Variants in EFCAB11 observed in about 807,000 individuals in gnomAD.
EFCAB11 encodes the protein EF-hand calcium-binding domain-containing protein 11.
In EFCAB11, 14 loss-of-function variants were observed where a neutral mutation model predicts 23.0. The observed-to-expected ratio is 0.61, with a 90% CI of 0.40 to 0.95. The LOEUF (loss-of-function observed/expected upper bound fraction) is 0.95. Among genes scored for constraint, EFCAB11 ranks in the 40% least tolerant of loss-of-function variants. The pLI, the probability that EFCAB11 is intolerant of heterozygous loss-of-function variation, is 0.00. For missense variants in EFCAB11, 198 were observed against 195.8 expected (o/e 1.01, Z -0.07); for synonymous variants, 65 against 66.6 (o/e 0.98, Z 0.11).
chr14:89,911,093 C>A (rs1240362860), intron 5 of EFCAB11, among the ~76,000 whole-genome samples: 2 of 152,146 alleles, frequency 1.3e-5, no homozygotes, highest in African/African-American at 2.4e-5. Context: ...TTAAAGCAAA[C>A]AACTTTTAGC....
chr14:89,947,055 T>C lies in EFCAB11; in HGVS notation c.217+3042A>G, dbSNP rs542185292. On this transcript the variant is annotated intron_variant, in intron 3 of 5. Transcript: ENST00000316738. ...CAGTATCAACATATATTTATGAATA[T>C]GATAAGCATATTTTGGTTATATTCA... Among the ~76,000 whole-genome samples, 240 of 152,320 alleles carry C rather than the reference T, an allele frequency of 1.6e-3. 1 individual carries two copies. Among genetic ancestry groups the C allele is most frequent in the African/African-American group, 5.5e-3 (229 of 41,570 alleles).
intron 5 of EFCAB11, among the ~76,000 whole-genome samples, chr14:89,831,492 T>C (rs1886882150): frequency 6.6e-6 from 1 of 151,396 alleles, no homozygotes; most frequent in Non-Finnish European, 1.5e-5. Context: ...TAATATGAAA[T>C]GTTGTCTATA....
intron 5 of EFCAB11, among the ~76,000 whole-genome samples, chr14:89,877,938 G>T (rs1888489823): frequency 6.6e-6 from 1 of 152,176 alleles, no homozygotes; most frequent in Non-Finnish European, 1.5e-5. Flanking sequence ...TTTATCATAA[G>T]TAATGACATG....
chr14:89,808,322 A>G (rs1886039855), intron 5 of EFCAB11, among the ~76,000 whole-genome samples: 1 of 152,192 alleles, frequency 6.6e-6, no homozygotes, highest in African/African-American at 2.4e-5. Context: ...GGATATTCTC[A>G]TACAGTGTTA....
In EFCAB11 at chr14:89,906,472, A is replaced by G. The variant is rs554188638; in HGVS notation, c.410+25069T>C. On this transcript the variant is annotated intron_variant, in intron 5 of 5. Coordinates refer to ENST00000316738, the MANE Select transcript of EFCAB11 (RefSeq NM_145231.4). The stretch of plus-strand genomic sequence containing the variant: ...ATTCTATGACAAATTCATTACTGCA[A>G]CTCATTGAAACTAGTATGTCAGCTG... 4.1e-4 allele frequency among the ~76,000 whole-genome samples: 63 copies of G among 152,312 alleles called. 1 individual carries two copies. Among genetic ancestry groups the G allele is most frequent in the Middle Eastern group, 3.4e-3 (1 of 294 alleles).
intron 5 of EFCAB11, chr14:89,924,417 A>G (rs1890123258): frequency 1.5e-6 from 2 of 1,326,620 alleles, no homozygotes; most frequent in Non-Finnish European, 1.9e-6. Context: ...CCTTATGCAC[A>G]TTCACATTTC....
chr14:89,913,178 C>T (rs1381172251), intron 5 of EFCAB11, among the ~76,000 whole-genome samples: 2 of 152,172 alleles, frequency 1.3e-5, no homozygotes, highest in African/African-American at 4.8e-5. Flanking sequence ...CCTGGTGTGC[C>T]CTGCCTCCCC....
intron 5 of EFCAB11, among the ~76,000 whole-genome samples, chr14:89,907,760 G>A (rs1889543056): frequency 2.6e-5 from 4 of 152,138 alleles, no homozygotes; most frequent in Admixed American, 2.0e-4. Flanking sequence ...TCCTTTACAC[G>A]GTGGCTGTAT....
intron 3 of EFCAB11, among the ~76,000 whole-genome samples, chr14:89,941,584 CT>C (rs201529202): frequency 0.057 from 8,193 of 142,546 alleles, 390 homozygotes; most frequent in African/African-American, 0.13. Flanking sequence ...CTTTTTAGTA[CT>C]TTTTTTTTTT....
intron 5 of EFCAB11, among the ~76,000 whole-genome samples, chr14:89,905,490 A>T (rs1201780883): frequency 6.6e-6 from 1 of 152,132 alleles, no homozygotes; most frequent in Non-Finnish European, 1.5e-5. Flanking sequence ...AAAAGAAGGG[A>T]TACTCACTGA....
At chr14:89,808,653 C>G (rs554969831) in intron 5 of EFCAB11, among the ~76,000 whole-genome samples, 1 of 152,282 alleles carries the variant, frequency 6.6e-6, no homozygotes, top group East Asian at 1.9e-4. Flanking sequence ...TTTAAAACCT[C>G]TGGGTCTGTG....
chr14:89,900,312 T>C lies in EFCAB11; in HGVS notation c.410+31229A>G, dbSNP rs911756638. On this transcript the variant is annotated intron_variant, in intron 5 of 5. Transcript: ENST00000316738. ...AAATATAAAGACATACACGAATGAT[T>C]AAAAAAAAATCAGGACAGTGATGAT... Among the ~76,000 whole-genome samples, 3 of 151,492 alleles carry C rather than the reference T, an allele frequency of 2.0e-5. No homozygotes were observed. The East Asian group carries it at 5.8e-4, about 29-fold the overall frequency.
intron 5 of EFCAB11, chr14:89,829,728 A>G (rs1479289752): frequency 6.6e-6 from 1 of 152,230 alleles, no homozygotes; most frequent in Non-Finnish European, 1.5e-5. Context: ...ACATGTTCCA[A>G]AATGTAACAA....
chr14:89,915,705 A>T (rs1335214817), intron 5 of EFCAB11, among the ~76,000 whole-genome samples: 3 of 152,214 alleles, frequency 2.0e-5, no homozygotes, highest in African/African-American at 4.8e-5. Flanking sequence ...TACCCACCAA[A>T]GTTAATTTGA....
chr14:89,825,564 T>C (rs963469914), intron 5 of EFCAB11, among the ~76,000 whole-genome samples: 3 of 151,952 alleles, frequency 2.0e-5, no homozygotes, highest in Non-Finnish European at 2.9e-5. Context: ...ATTAATAAAG[T>C]TGATAGCCCT....
intron 5 of EFCAB11, among the ~76,000 whole-genome samples, chr14:89,825,677 A>G (rs1271652819): frequency 6.6e-6 from 1 of 152,148 alleles, no homozygotes; most frequent in African/African-American, 2.4e-5. Flanking sequence ...AGGAAATAGT[A>G]TATGTAATTT....
intron 5 of EFCAB11, among the ~76,000 whole-genome samples, chr14:89,918,794 T>C (rs979792150): frequency 4.0e-5 from 6 of 151,674 alleles, no homozygotes; most frequent in Admixed American, 6.6e-5. Flanking sequence ...AGAAGAACTC[T>C]GAGTTCTGCA....
intron 5 of EFCAB11, among the ~76,000 whole-genome samples, chr14:89,842,146 C>A (rs1462301602): frequency 6.6e-6 from 1 of 152,204 alleles, no homozygotes; most frequent in South Asian, 2.1e-4. Context: ...CTTCTCCACA[C>A]ACCTCTCTCT....
chr14:89,933,759 A>T (rs976196251), intron 3 of EFCAB11, among the ~76,000 whole-genome samples: 1 of 152,202 alleles, frequency 6.6e-6, no homozygotes, highest in Non-Finnish European at 1.5e-5. Flanking sequence ...TTCAACTGCA[A>T]ATGCACACCT....
Sources: allele counts gnomAD v4.1 joint callset (sites outside exome capture counted in the v4.1 genomes callset), GRCh38; gene constraint gnomAD v4.1.1; transcripts MANE v1.5; gene names NCBI Gene and HGNC (gene_info 2026-07-23, HGNC 2026-07-21).